Variants in CROT observed in about 807,000 individuals in gnomAD.
CROT encodes the protein peroxisomal carnitine O-octanoyltransferase.
CROT carries 84 observed loss-of-function variants against 89.2 expected under a neutral mutation model. The observed-to-expected ratio is 0.94, with a 90% CI of 0.79 to 1.13. The LOEUF is 1.13. Among genes scored for constraint, CROT ranks in the 50% most tolerant of loss-of-function variants. The probability of loss-of-function intolerance (pLI) is 0.00; values close to 1 mark genes in which losing one functional copy is unlikely to be tolerated. For missense variants in CROT, 711 were observed against 727.8 expected (o/e 0.98, Z 0.27); for synonymous variants, 212 against 239.5 (o/e 0.89, Z 1.06).
At position 87,391,728 on chromosome 7, in the gene CROT, G is replaced by GA. The variant is rs754572905; in HGVS notation, c.1425+23dup. 4 of 1,593,904 alleles carry GA rather than the reference G, an allele frequency of 2.5e-6. No individual in the cohort carries two copies. The highest frequency in any genetic ancestry group is 1.8e-5 in the Admixed American group (1 of 54,138). ...TTCTGTCAATGTGAGTATTGGAAAG[G>GA]AAAAAAACTCACAAGATTTGTTTAA... On this transcript the variant is annotated intron_variant, in intron 14 of 17. Transcript: ENST00000331536.
At chr7:87,348,052 C>G (rs147702961) in intron 2 of CROT, among the ~76,000 whole-genome samples, 2 of 152,102 alleles carry the variant, frequency 1.3e-5, no homozygotes, top group Admixed American at 1.3e-4. Flanking sequence ...TGATAGTGTT[C>G]GATTCTGTAA....
At chr7:87,351,622 G>T (rs1261122747) in intron 3 of CROT, among the ~76,000 whole-genome samples, 1 of 152,162 alleles carries the variant, frequency 6.6e-6, no homozygotes, top group Non-Finnish European at 1.5e-5. Flanking sequence ...GAAGCCACAG[G>T]ATTCTTTATT....
In CROT at chr7:87,361,326, T is replaced by C. The variant is rs1806260638; in HGVS notation, c.241-64T>C. ...ACAAATATAGCTTGCTTTTTAAAAT[T>C]CCCAGTAGTTACACATTCATGTATT... On this transcript the variant is annotated intron_variant, in intron 4 of 17. Coordinates refer to ENST00000331536, the MANE Select transcript of CROT (RefSeq NM_021151.4). 3.5e-6 allele frequency: 5 copies of C among 1,432,680 alleles called. No homozygotes were observed. The Admixed American group carries it at 6.5e-5, about 19-fold the overall frequency. The allele number at this position is 1,432,680 out of a possible 1,614,324, so 88.7% of individuals were successfully genotyped here.
chr7:87,352,171 G>C (rs1008025272), intron 3 of CROT, among the ~76,000 whole-genome samples: 23 of 152,200 alleles, frequency 1.5e-4, no homozygotes, highest in African/African-American at 4.3e-4. Flanking sequence ...CTTTGGCCAA[G>C]AAGAGGGTCC....
chr7:87,347,011 T>C (rs1047894214), intron 2 of CROT, among the ~76,000 whole-genome samples: 1 of 152,228 alleles, frequency 6.6e-6, no homozygotes, highest in African/African-American at 2.4e-5. Flanking sequence ...TTCTATATCC[T>C]TACTGTTTGT....
intron 13 of CROT, among the ~76,000 whole-genome samples, chr7:87,382,872 T>C (rs1239080051): frequency 6.6e-6 from 1 of 152,246 alleles, no homozygotes; most frequent in Non-Finnish European, 1.5e-5. Context: ...GTTGTGATTT[T>C]ATAAATTATC....
At chr7:87,355,422 A>G (rs1241177998) in intron 3 of CROT, among the ~76,000 whole-genome samples, 1 of 152,092 alleles carries the variant, frequency 6.6e-6, no homozygotes, top group Admixed American at 6.6e-5. Context: ...TTATATTCAT[A>G]ACTTTCTTCA....
chr7:87,375,131 A>T (rs931390683), intron 7 of CROT: 1 of 153,796 alleles, frequency 6.5e-6, no homozygotes, highest in African/African-American at 2.4e-5. Context: ...GGCACATATG[A>T]AAATAGTTAA....
chr7:87,360,617 A>G (rs1158639316), intron 4 of CROT, among the ~76,000 whole-genome samples: 1 of 152,230 alleles, frequency 6.6e-6, no homozygotes. Flanking sequence ...CTGGGATTAC[A>G]GGTGTGAGCC....
At chr7:87,347,055 C>T (rs1371405300) in intron 2 of CROT, among the ~76,000 whole-genome samples, 1 of 152,240 alleles carries the variant, frequency 6.6e-6, no homozygotes, top group Non-Finnish European at 1.5e-5. Context: ...TTAAGGCCAT[C>T]TGCATCTTCA....
intron 7 of CROT, among the ~76,000 whole-genome samples, chr7:87,372,097 T>C (rs1806662345): frequency 6.6e-6 from 1 of 152,124 alleles, no homozygotes; most frequent in Non-Finnish European, 1.5e-5. Flanking sequence ...TATCCCTCAT[T>C]ACAAGTGAGG....
intron 3 of CROT, among the ~76,000 whole-genome samples, chr7:87,353,204 T>C (rs535644350): frequency 5.7e-4 from 86 of 152,064 alleles, no homozygotes; most frequent in South Asian, 1.7e-3. Flanking sequence ...CTGGAGTGCA[T>C]TGGTGCAATC....
chr7:87,361,517 A>G lies in CROT; in HGVS notation c.368A>G (p.Glu123Gly). The G allele has an allele frequency of 6.2e-7, 1 of 1,612,050 alleles. No homozygotes were observed. Among genetic ancestry groups the G allele is most frequent in the Non-Finnish European group, 8.5e-7 (1 of 1,179,520 alleles). The change falls in exon 5 of 18, where the codon GAA becomes GGA. Residue 123 changes from glutamate to glycine, a missense_variant. Coordinates refer to ENST00000331536, the MANE Select transcript of CROT (RefSeq NM_021151.4). ...YWPPKEGTQL[E>G]RGSITLWHNL... Reference sequence around the variant, plus strand: ...CCTCCAAAGGAAGGGACTCAATTAGAAAGAGGAAGTATAACTCTTTGGCAT... The same window carrying G: ...CCTCCAAAGGAAGGGACTCAATTAGGAAGAGGAAGTATAACTCTTTGGCAT...
chr7:87,368,715 G>A (rs1273510465), intron 6 of CROT, among the ~76,000 whole-genome samples: 1 of 152,020 alleles, frequency 6.6e-6, no homozygotes, highest in Non-Finnish European at 1.5e-5. Flanking sequence ...GTAGGGGCAG[G>A]GATCACATAA....
chr7:87,364,205 C>T (rs769259839), intron 6 of CROT, among the ~76,000 whole-genome samples: 3 of 152,148 alleles, frequency 2.0e-5, no homozygotes, highest in Non-Finnish European at 4.4e-5. Flanking sequence ...TCATCACTAC[C>T]AGGCATAGAA....
At chr7:87,361,952 G>T in intron 6 of CROT, 100 bp downstream of exon 6, 1 of 1,081,058 alleles carries the variant, frequency 9.3e-7, no homozygotes, top group Non-Finnish European at 1.3e-6. Context: ...TATTACTGTT[G>T]GGACTTTGAC....
At chr7:87,387,611 T>C in intron 13 of CROT, among the ~76,000 whole-genome samples, 1 of 152,268 alleles carries the variant, frequency 6.6e-6, no homozygotes, top group South Asian at 2.1e-4. Context: ...TTATATATTG[T>C]ATTCTTACAA....
At chr7:87,385,375 CTT>C (rs1160989043) in intron 13 of CROT, among the ~76,000 whole-genome samples, 1 of 151,870 alleles carries the variant, frequency 6.6e-6, no homozygotes, top group Non-Finnish European at 1.5e-5. Flanking sequence ...TCATCAGTGT[CTT>C]ATAGTCTTCC....
intron 7 of CROT, among the ~76,000 whole-genome samples, chr7:87,374,353 C>T (rs1339260499): frequency 6.6e-6 from 1 of 151,912 alleles, no homozygotes; most frequent in Non-Finnish European, 1.5e-5. Context: ...GTAATTTCTC[C>T]CTAATAATGA....
Sources: gnomAD v4.1 joint callset for allele counts (sites outside exome capture counted in the v4.1 genomes callset) on GRCh38, gnomAD v4.1.1 for gene constraint, MANE v1.5 for transcripts, NCBI Gene and HGNC (gene_info 2026-07-23, HGNC 2026-07-21) for gene names.